The following PIP5K1B variants were observed in gnomAD, a reference collection of about 807,000 sequenced individuals.
PIP5K1B encodes the protein phosphatidylinositol 4-phosphate 5-kinase type-1 beta.
PIP5K1B carries 42 observed loss-of-function variants against 67.0 expected under a neutral mutation model. The ratio of observed to expected loss-of-function variants is 0.63; its 90% confidence interval spans 0.49 to 0.81. The LOEUF (loss-of-function observed/expected upper bound fraction) is 0.81, where lower values mean the gene tolerates loss of function less well. Ranked by LOEUF, PIP5K1B falls within the 30% of genes least tolerant of loss-of-function variation. The pLI, the probability that PIP5K1B is intolerant of heterozygous loss-of-function variation, is 0.00. For missense variants in PIP5K1B, 459 were observed against 646.3 expected, an observed-to-expected ratio of 0.71 and a Z score of 3.14; for synonymous variants, 214 against 231.4, an observed-to-expected ratio of 0.92 and a Z score of 0.68.
intron 14 of PIP5K1B, among the ~76,000 whole-genome samples, chr9:68,973,951 C>T (rs1829514802): frequency 1.3e-5 from 2 of 152,204 alleles, no homozygotes; most frequent in Non-Finnish European, 2.9e-5. Flanking sequence ...GATCTTGGCT[C>T]ACTGCAACCT....
chr9:68,964,346 G>A (rs544923326), intron 14 of PIP5K1B, among the ~76,000 whole-genome samples: 1 of 152,328 alleles, frequency 6.6e-6, no homozygotes, highest in Non-Finnish European at 1.5e-5. Flanking sequence ...GCCCCTAAGG[G>A]AAGTAAAGAG....
At chr9:68,722,523 C>G (rs1281623193) in intron 1 of PIP5K1B, among the ~76,000 whole-genome samples, 1 of 151,984 alleles carries the variant, frequency 6.6e-6, no homozygotes, top group Non-Finnish European at 1.5e-5. Flanking sequence ...CCCTTAACAG[C>G]TCTTTCTATA....
At chr9:68,945,384 G>A (rs1368787087) in intron 14 of PIP5K1B, among the ~76,000 whole-genome samples, 1 of 152,166 alleles carries the variant, frequency 6.6e-6, no homozygotes, top group African/African-American at 2.4e-5. Flanking sequence ...GACCTCAAGT[G>A]ATCCACCCTG....
At chr9:68,706,630 G>A (rs1261648250) in intron 1 of PIP5K1B, among the ~76,000 whole-genome samples, 1 of 152,160 alleles carries the variant, frequency 6.6e-6, no homozygotes, top group African/African-American at 2.4e-5. Flanking sequence ...AAGGGAGCGT[G>A]TTACAGATCA....
At chr9:68,718,527 G>T (rs1021698924) in intron 1 of PIP5K1B, among the ~76,000 whole-genome samples, 2 of 152,186 alleles carry the variant, frequency 1.3e-5, no homozygotes, top group African/African-American at 4.8e-5. Flanking sequence ...AATTGAAGGG[G>T]CTCAAAATAG....
chr9:68,950,110 A>G (rs1252212890), intron 14 of PIP5K1B, among the ~76,000 whole-genome samples: 4 of 152,194 alleles, frequency 2.6e-5, no homozygotes, highest in Admixed American at 6.5e-5. Context: ...GCCAGCCCCA[A>G]ACCTGCTTCC....
At chr9:68,914,639 C>T (rs188957470) in intron 8 of PIP5K1B, among the ~76,000 whole-genome samples, 1,556 of 152,070 alleles carry the variant, frequency 0.01, 29 homozygotes, top group African/African-American at 0.035. Context: ...GGTGTGAACC[C>T]GGGAGGTGGA....
intron 2 of PIP5K1B, chr9:68,786,143 G>A (rs913807261): frequency 6.6e-6 from 1 of 152,098 alleles, no homozygotes; most frequent in Non-Finnish European, 1.5e-5. Context: ...CTATCATTGC[G>A]TGGCAGCCAA....
chr9:68,712,319 C>T (rs531231341), intron 1 of PIP5K1B, among the ~76,000 whole-genome samples: 13 of 152,302 alleles, frequency 8.5e-5, no homozygotes, highest in South Asian at 4.1e-4. Flanking sequence ...GCCTTATGTA[C>T]GGCTTGCAGA....
chr9:68,925,461 G>A (rs1048606442), intron 12 of PIP5K1B, among the ~76,000 whole-genome samples: 3 of 152,088 alleles, frequency 2.0e-5, no homozygotes, highest in South Asian at 2.1e-4. Context: ...TGTAAGTACT[G>A]GTAAGGTTCA....
intron 8 of PIP5K1B, among the ~76,000 whole-genome samples, chr9:68,912,921 C>G (rs2132492662): frequency 1.3e-5 from 2 of 152,316 alleles, no homozygotes; most frequent in South Asian, 4.1e-4. Flanking sequence ...GTCCCCAAAT[C>G]TACAGAAGTT....
chr9:68,873,963 AG>A (rs1244752313), intron 5 of PIP5K1B, among the ~76,000 whole-genome samples: 7 of 152,260 alleles, frequency 4.6e-5, no homozygotes, highest in Non-Finnish European at 1.0e-4. Context: ...CTACTAGGAG[AG>A]AAAACAAACA....
chr9:68,719,527 A>C (rs556108582), intron 1 of PIP5K1B, among the ~76,000 whole-genome samples: 2 of 152,356 alleles, frequency 1.3e-5, no homozygotes, highest in East Asian at 3.9e-4. Context: ...TTGTATGGGA[A>C]CAAAAAGAAG....
chr9:69,006,395 G>A (rs1391336533), intron 15 of PIP5K1B, among the ~76,000 whole-genome samples: 1 of 152,072 alleles, frequency 6.6e-6, no homozygotes, highest in African/African-American at 2.4e-5. Flanking sequence ...AAAGAGTGGA[G>A]GGGGTGCAGC....
intron 14 of PIP5K1B, among the ~76,000 whole-genome samples, chr9:68,956,713 G>C (rs1828415231): frequency 1.3e-5 from 2 of 152,194 alleles, no homozygotes; most frequent in South Asian, 4.1e-4. Flanking sequence ...TTGAGTCCAA[G>C]TTTTACTTAG....
chr9:68,786,873 C>T (rs906808425), intron 2 of PIP5K1B, among the ~76,000 whole-genome samples: 1 of 152,158 alleles, frequency 6.6e-6, no homozygotes, highest in Non-Finnish European at 1.5e-5. Context: ...ATACCCTCCA[C>T]GGTAACCATT....
At chr9:68,886,627 A>T (rs567531029) in intron 6 of PIP5K1B, among the ~76,000 whole-genome samples, 19 of 152,354 alleles carry the variant, frequency 1.2e-4, no homozygotes, top group African/African-American at 4.1e-4. Context: ...ATCCAGGGCC[A>T]GGAAGCAATT....
At chr9:68,916,533 T>C (rs1344094952) in intron 8 of PIP5K1B, among the ~76,000 whole-genome samples, 1 of 152,186 alleles carries the variant, frequency 6.6e-6, no homozygotes, top group East Asian at 1.9e-4. Context: ...GTTGAGATTA[T>C]ATTTTTAAAG....
At chr9:68,852,017 A>G (rs190148814) in intron 4 of PIP5K1B, among the ~76,000 whole-genome samples, 2 of 152,300 alleles carry the variant, frequency 1.3e-5, no homozygotes, top group Admixed American at 1.3e-4. Context: ...TTTTATGAGA[A>G]CACATGGACA....
Sources: gnomAD v4.1 joint callset for allele counts (sites outside exome capture counted in the v4.1 genomes callset) on GRCh38, gnomAD v4.1.1 for gene constraint, MANE v1.5 for transcripts, NCBI Gene and HGNC (gene_info 2026-07-23, HGNC 2026-07-21) for gene names.